The following UNC5C variants were observed in gnomAD, a reference collection of about 807,000 sequenced individuals.
UNC5C encodes unc-5 netrin receptor C, also known as netrin receptor UNC5C.
In UNC5C, 47 loss-of-function variants were observed where a neutral mutation model predicts 99.8. The ratio of observed to expected loss-of-function variants is 0.47; its 90% CI spans 0.37 to 0.60. The LOEUF (loss-of-function observed/expected upper bound fraction) is 0.60. Among genes scored for constraint, UNC5C ranks in the 20% least tolerant of loss-of-function variants. The probability of loss-of-function intolerance (pLI) is 0.00; values close to 1 mark genes in which losing one functional copy is unlikely to be tolerated. For synonymous variants in UNC5C, 487 were observed against 452.2 expected (o/e 1.08, Z -0.98); for missense variants, 1,062 against 1,165.9 (o/e 0.91, Z 1.30).
intron 1 of UNC5C, among the ~76,000 whole-genome samples, chr4:95,409,753 C>T (rs1745928290): frequency 1.3e-5 from 2 of 152,288 alleles, no homozygotes; most frequent in Admixed American, 1.3e-4. Flanking sequence ...TATCTCAGTC[C>T]TTTCTCCTCT....
Position 95,279,988 on chromosome 4 carries a change from C to T in UNC5C, c.491-1626G>A, listed in dbSNP as rs116181949. Among the ~76,000 whole-genome samples the T allele has an allele frequency of 9.5e-3, 1,444 of 152,202 alleles. 25 individuals are homozygous for T. Among genetic ancestry groups the T allele is most frequent in the African/African-American group, 0.033 (1,376 of 41,530 alleles). ...ATCTGTAGTTCACATAGGGTTCATG[C>T]TCCCGTGAGAATCTAATGCCACCAC... On this transcript the variant is annotated intron_variant, in intron 3 of 15. Transcript: ENST00000453304.
At chr4:95,327,472 T>A (rs749325668) in intron 2 of UNC5C, among the ~76,000 whole-genome samples, 1 of 152,054 alleles carries the variant, frequency 6.6e-6, no homozygotes, top group Non-Finnish European at 1.5e-5. Flanking sequence ...TGTCAACTGC[T>A]TGTTATATGT....
chr4:95,515,273 A>G (rs934233688), intron 1 of UNC5C, among the ~76,000 whole-genome samples: 2 of 152,146 alleles, frequency 1.3e-5, no homozygotes, highest in African/African-American at 2.4e-5. Context: ...TTTCACATGT[A>G]TCTTCTCAAA....
At chr4:95,381,027 A>C (rs1311644794) in intron 1 of UNC5C, among the ~76,000 whole-genome samples, 1 of 152,230 alleles carries the variant, frequency 6.6e-6, no homozygotes, top group African/African-American at 2.4e-5. Flanking sequence ...TAGGAGAAGA[A>C]AACAACGTAT....
chr4:95,410,877 G>A (rs1182277473), intron 1 of UNC5C, among the ~76,000 whole-genome samples: 2 of 152,152 alleles, frequency 1.3e-5, no homozygotes, highest in African/African-American at 4.8e-5. Context: ...GTTGACAAAT[G>A]TGAGATCAGC....
intron 1 of UNC5C, among the ~76,000 whole-genome samples, chr4:95,452,978 T>C (rs1747319598): frequency 6.6e-6 from 1 of 152,192 alleles, no homozygotes; most frequent in African/African-American, 2.4e-5. Flanking sequence ...TTGAATGTGG[T>C]TGACACTGGG....
intron 1 of UNC5C, among the ~76,000 whole-genome samples, chr4:95,362,983 G>C (rs1476576115): frequency 6.6e-6 from 1 of 151,984 alleles, no homozygotes. Context: ...CACAGCTCTA[G>C]GGGGCGCCGT....
At chr4:95,531,724 TTTTC>T (rs1193074952) in intron 1 of UNC5C, among the ~76,000 whole-genome samples, 2 of 152,224 alleles carry the variant, frequency 1.3e-5, no homozygotes, top group East Asian at 3.9e-4. Flanking sequence ...ACATATTTAT[TTTTC>T]TTTATTTTAC....
chr4:95,192,743 C>G (rs1427948239), intron 12 of UNC5C, among the ~76,000 whole-genome samples: 1 of 152,058 alleles, frequency 6.6e-6, no homozygotes, highest in South Asian at 2.1e-4. Context: ...TCACCTCTTC[C>G]TCTGCTCACC....
intron 1 of UNC5C, among the ~76,000 whole-genome samples, chr4:95,368,261 C>A (rs1744633290): frequency 2.2e-5 from 3 of 134,332 alleles, no homozygotes; most frequent in Admixed American, 7.7e-5. Context: ...TCTATAGAAA[C>A]TAAGTAAAAT....
At chr4:95,313,103 A>G (rs1742331573) in intron 2 of UNC5C, among the ~76,000 whole-genome samples, 1 of 152,178 alleles carries the variant, frequency 6.6e-6, no homozygotes, top group African/African-American at 2.4e-5. Flanking sequence ...AAAGATTTAG[A>G]GAAAGGAATC....
chr4:95,271,402 G>C (rs1176005391), intron 4 of UNC5C, among the ~76,000 whole-genome samples: 4 of 150,818 alleles, frequency 2.7e-5, no homozygotes, highest in Admixed American at 1.3e-4. Context: ...TAATTTTTTT[G>C]TGTTTTTTAG....
chr4:95,242,518 C>T lies in UNC5C; in HGVS notation c.1019G>A (p.Cys340Tyr). Residue 340 changes from cysteine to tyrosine, a missense_variant, in exon 7 of 16, where the codon TGC (cysteine) becomes TAC (tyrosine). Cys to Tyr is a radical substitution (Grantham distance 194). This residue lies in a region of UNC5C where 810 missense variants were observed against 854.5 expected (regional missense o/e 0.95). Coordinates refer to ENST00000453304, the MANE Select transcript of UNC5C (RefSeq NM_003728.4). ...TECTHWRRRE[C>Y]TAPAPKNGGK... ...TCCATTCTTGGGGGCTGGCGCCGTG[C>T]ACTCCCTCCTGCGCCAGTGGGTGCA... 6.2e-7 allele frequency: 1 copy of T among 1,613,344 alleles called. No homozygotes were observed. Among genetic ancestry groups the T allele is most frequent in the Non-Finnish European group, 8.5e-7 (1 of 1,179,694 alleles).
intron 1 of UNC5C, among the ~76,000 whole-genome samples, chr4:95,523,087 G>A (rs1220473026): frequency 2.0e-5 from 3 of 152,218 alleles, no homozygotes; most frequent in Non-Finnish European, 4.4e-5. Flanking sequence ...AGGAAAGGGG[G>A]AGAGTGAGAT....
chr4:95,261,788 C>G (rs75968639), intron 4 of UNC5C, among the ~76,000 whole-genome samples: 1,605 of 151,580 alleles, frequency 0.011, 24 homozygotes, highest in African/African-American at 0.031. Context: ...ACTGCAACAA[C>G]TGCCTCCTGG....
chr4:95,317,477 T>A (rs894949865), intron 2 of UNC5C, among the ~76,000 whole-genome samples: 1 of 139,154 alleles, frequency 7.2e-6, no homozygotes, highest in East Asian at 1.9e-4. Flanking sequence ...AAGGAAATTA[T>A]AAAGTGAAGC....
chr4:95,430,617 A>G (rs1346446118), intron 1 of UNC5C, among the ~76,000 whole-genome samples: 1 of 152,178 alleles, frequency 6.6e-6, no homozygotes, highest in Non-Finnish European at 1.5e-5. Flanking sequence ...TTCAAAGTCA[A>G]TGAAGTAAGC....
At chr4:95,292,236 C>CACATATAT (rs1553961220) in intron 3 of UNC5C, among the ~76,000 whole-genome samples, 1 of 88,744 alleles carries the variant, frequency 1.1e-5, no homozygotes, top group Non-Finnish European at 2.3e-5. Context: ...CACACACACA[C>CACATATAT]ATATATATAT....
chr4:95,290,369 C>A (rs940189476), intron 3 of UNC5C, among the ~76,000 whole-genome samples: 6 of 150,694 alleles, frequency 4.0e-5, no homozygotes, highest in Non-Finnish European at 7.4e-5. Flanking sequence ...CTTATCTTTC[C>A]TTCTCAAATA....
Sources: allele counts gnomAD v4.1 joint callset (sites outside exome capture counted in the v4.1 genomes callset), GRCh38; gene constraint gnomAD v4.1.1; regional missense constraint gnomAD v4.1.1; transcripts MANE v1.5; gene names NCBI Gene and HGNC (gene_info 2026-07-23, HGNC 2026-07-21).